DRD3: variants seen among roughly 807,000 people sequenced by gnomAD.
DRD3 encodes the protein dopamine receptor D3.
DRD3 carries 19 observed loss-of-function variants against 36.3 expected under a neutral mutation model. That is an observed-to-expected ratio of 0.52 (90% CI 0.36 to 0.77). The LOEUF is 0.77. Among genes scored for constraint, DRD3 ranks in the 30% least tolerant of loss-of-function variants. The pLI, the probability that DRD3 is intolerant of heterozygous loss-of-function variation, is 0.00. For synonymous variants in DRD3, 195 were observed against 203.7 expected (o/e 0.96, Z 0.36); for missense variants, 465 against 505.3 (o/e 0.92, Z 0.77).
intron 3 of DRD3, among the ~76,000 whole-genome samples, chr3:114,156,087 CTGT>C (rs531591602): frequency 3.7e-4 from 56 of 152,322 alleles, no homozygotes; most frequent in African/African-American, 1.3e-3. Flanking sequence ...TTCTTAGGTA[CTGT>C]TGTTATCTTC....
intron 2 of DRD3, among the ~76,000 whole-genome samples, chr3:114,166,207 A>C (rs1055303416): frequency 1.3e-5 from 2 of 151,950 alleles, no homozygotes; most frequent in African/African-American, 4.8e-5. Flanking sequence ...GCTGGTCTCA[A>C]ACTCCTGACC....
At chr3:114,139,730 G>A in intron 4 of DRD3, 34 bp from the exon 5 acceptor site, 3 of 1,600,628 alleles carry the variant, frequency 1.9e-6, no homozygotes, top group Non-Finnish European at 1.7e-6. Context: ...AAAGCAGTTA[G>A]CAAGTATCAG....
intron 1 of DRD3, among the ~76,000 whole-genome samples, chr3:114,189,488 T>C (rs950706046): frequency 3.3e-5 from 5 of 152,200 alleles, no homozygotes; most frequent in African/African-American, 1.2e-4. Flanking sequence ...CCAGCTCCAA[T>C]TGTCCATGAT....
At chr3:114,177,452 C>T (rs2077911319) in intron 1 of DRD3, among the ~76,000 whole-genome samples, 1 of 152,094 alleles carries the variant, frequency 6.6e-6, no homozygotes, top group Non-Finnish European at 1.5e-5. Context: ...TACTCACTTT[C>T]CTTCACAACC....
At chr3:114,163,093 T>A (rs2077749065) in intron 2 of DRD3, among the ~76,000 whole-genome samples, 1 of 152,204 alleles carries the variant, frequency 6.6e-6, no homozygotes, top group Non-Finnish European at 1.5e-5. Flanking sequence ...TATCCTCTTT[T>A]CTTGTCTCCT....
At chr3:114,158,042 C>T (rs2077698508) in intron 3 of DRD3, among the ~76,000 whole-genome samples, 1 of 151,958 alleles carries the variant, frequency 6.6e-6, no homozygotes, top group Admixed American at 6.6e-5. Context: ...GTGGAGGTTA[C>T]AGTGAGCCAA....
At chr3:114,150,433 C>G (rs555481169) in intron 3 of DRD3, among the ~76,000 whole-genome samples, 1 of 152,202 alleles carries the variant, frequency 6.6e-6, no homozygotes, top group East Asian at 1.9e-4. Context: ...GAATTTGCCT[C>G]GTGGCTGGAG....
At chr3:114,182,600 A>G (rs1340204897), upstream of DRD3, among the ~76,000 whole-genome samples, 2 of 151,004 alleles carry the variant, frequency 1.3e-5, no homozygotes, top group African/African-American at 4.9e-5. Context: ...TCATCATCTA[A>G]TTTTTTCTTT....
chr3:114,136,861 G>A (rs1296578524), intron 5 of DRD3, among the ~76,000 whole-genome samples: 8 of 152,180 alleles, frequency 5.3e-5, no homozygotes, highest in Non-Finnish European at 1.0e-4. Context: ...AGTTGTCTTG[G>A]TTTTTCCCAC....
intron 2 of DRD3, among the ~76,000 whole-genome samples, chr3:114,164,018 C>T (rs573997827): frequency 6.6e-6 from 1 of 151,690 alleles, no homozygotes; most frequent in East Asian, 1.9e-4. Context: ...GTCAGGAGTT[C>T]GAGACCAGCC....
At chr3:114,186,373 C>T (rs778819247) in intron 1 of DRD3, among the ~76,000 whole-genome samples, 1 of 152,120 alleles carries the variant, frequency 6.6e-6, no homozygotes, top group Non-Finnish European at 1.5e-5. Context: ...GTGATCTGCC[C>T]ACCTTGGCCT....
chr3:114,147,589 G>C, intron 3 of DRD3, 32 bp from the exon 4 acceptor site: 1 of 1,594,040 alleles, frequency 6.3e-7, no homozygotes. Flanking sequence ...GGATAGGCAT[G>C]GTGAGATGGA....
At chr3:114,170,703 T>C (rs1367442168) in intron 2 of DRD3, among the ~76,000 whole-genome samples, 2 of 152,212 alleles carry the variant, frequency 1.3e-5, no homozygotes, top group African/African-American at 2.4e-5. Context: ...ACAAGGTTTT[T>C]GCTCTCCCGT....
chr3:114,195,504 A>C (rs555986779), intron 1 of DRD3, among the ~76,000 whole-genome samples: 1 of 152,344 alleles, frequency 6.6e-6, no homozygotes, highest in East Asian at 1.9e-4. Flanking sequence ...ATTATTCACA[A>C]TTTAGCTAAG....
chr3:114,153,017 C>T (rs560794652), intron 3 of DRD3, among the ~76,000 whole-genome samples: 3 of 152,372 alleles, frequency 2.0e-5, no homozygotes, highest in African/African-American at 7.2e-5. Flanking sequence ...GAGCTCTTAG[C>T]TCCCTGGGCC....
chr3:114,148,183 G>A (rs1352191516), intron 3 of DRD3, among the ~76,000 whole-genome samples: 1 of 152,134 alleles, frequency 6.6e-6, no homozygotes, highest in African/African-American at 2.4e-5. Context: ...GGTTCTACCT[G>A]ATCACCCAGC....
intron 3 of DRD3, 145 bp downstream of exon 3, chr3:114,159,610 C>G: frequency 1.5e-6 from 1 of 648,532 alleles, no homozygotes. Flanking sequence ...ACCTGCAAAC[C>G]ATACTTTAAA....
intron 3 of DRD3, among the ~76,000 whole-genome samples, chr3:114,147,894 C>G (rs2077583041): frequency 6.6e-6 from 1 of 152,210 alleles, no homozygotes; most frequent in Non-Finnish European, 1.5e-5. Flanking sequence ...TGGCCTCAGC[C>G]TCCCAAAGTG....
intron 2 of DRD3, among the ~76,000 whole-genome samples, chr3:114,170,603 T>A (rs946094756): frequency 1.3e-5 from 2 of 152,102 alleles, no homozygotes; most frequent in African/African-American, 4.8e-5. Flanking sequence ...TTTTCTTTTT[T>A]TCTCTCTTTA....
Sources: allele counts gnomAD v4.1 joint callset (sites outside exome capture counted in the v4.1 genomes callset), GRCh38; gene constraint gnomAD v4.1.1; transcripts MANE v1.5; gene names NCBI Gene and HGNC (gene_info 2026-07-23, HGNC 2026-07-21).